ERRFI1: variants seen among roughly 807,000 people sequenced by gnomAD.
The protein encoded by ERRFI1 is ERBB receptor feedback inhibitor 1.
In ERRFI1, 12 loss-of-function variants were observed where a neutral mutation model predicts 14.6. The ratio of observed to expected loss-of-function variants is 0.82; its 90% CI spans 0.53 to 1.33. The LOEUF is 1.33. Among genes scored for constraint, ERRFI1 ranks in the 40% most tolerant of loss-of-function variants. The pLI, the probability that ERRFI1 is intolerant of heterozygous loss-of-function variation, is 0.00. For missense variants in ERRFI1, 482 were observed against 572.1 expected (o/e 0.84, Z 1.61); for synonymous variants, 202 against 209.9 (o/e 0.96, Z 0.32).
chr1:8,018,044 C>A (rs1641207479), intron 1 of ERRFI1, among the ~76,000 whole-genome samples: 1 of 152,140 alleles, frequency 6.6e-6, no homozygotes, highest in African/African-American at 2.4e-5. Context: ...AGCCAGCTCA[C>A]TTCTGACCAC....
chr1:8,024,176 C>T (rs893414272), intron 1 of ERRFI1, among the ~76,000 whole-genome samples: 2 of 152,108 alleles, frequency 1.3e-5, no homozygotes, highest in Admixed American at 1.3e-4. Flanking sequence ...GAAAAGCCAC[C>T]ATTAGTTTCA....
Position 8,015,683 on chromosome 1 carries a change from C to G in ERRFI1, c.-64G>C. On this transcript the variant is annotated 5_prime_UTR_variant, in exon 2 of 4. Coordinates refer to ENST00000377482, the MANE Select transcript of ERRFI1 (RefSeq NM_018948.4). ...CAGGCACTTTAAAATCAACCAGTAG[C>G]TTTCATTCCCTGGGAGGTAGAAGAG... The G allele has an allele frequency of 6.3e-7, 1 of 1,599,596 alleles. No homozygotes were observed. Among genetic ancestry groups the G allele is most frequent in the Admixed American group, 1.7e-5 (1 of 59,428 alleles).
At chr1:8,016,246 C>T (rs1641171846) in intron 1 of ERRFI1, among the ~76,000 whole-genome samples, 1 of 152,148 alleles carries the variant, frequency 6.6e-6, no homozygotes, top group Non-Finnish European at 1.5e-5. Context: ...TTTTGTATTT[C>T]AGGGTTGGCC....
chr1:8,014,511 T>A, intron 3 of ERRFI1, 115 bp from the exon 4 acceptor site: 1 of 1,002,166 alleles, frequency 1.0e-6, no homozygotes, highest in Non-Finnish European at 1.4e-6. Context: ...GTGAAACACT[T>A]GACTGCTGTC....
At chr1:8,017,642 G>C (rs1641195603) in intron 1 of ERRFI1, among the ~76,000 whole-genome samples, 1 of 152,152 alleles carries the variant, frequency 6.6e-6, no homozygotes, top group African/African-American at 2.4e-5. Flanking sequence ...AGTATCTGTG[G>C]TAATATAAAA....
In ERRFI1 at chr1:8,013,213, A is replaced by C. The variant is rs1409830405; in HGVS notation, c.1386T>G (p.Pro462=). ...KRKHLSYVVS[P] The stretch of plus-strand genomic sequence containing the variant: ...TGCTGAACCATGACCCCAAGGTCTA[A>C]GGAGAAACCACATAGGATAAATGTT... Residue 462 remains proline (P), a synonymous_variant, in exon 4 of 4, where the codon CCT becomes CCG. Coordinates refer to ENST00000377482, the MANE Select transcript of ERRFI1 (RefSeq NM_018948.4). This position sits in a 1 kb window ranked among gnomAD's most constrained non-coding sequence, Gnocchi z 4.3. 6.2e-7 allele frequency: 1 copy of C among 1,605,032 alleles called. No homozygotes were observed. The highest frequency in any genetic ancestry group is 2.2e-5 in the East Asian group (1 of 44,796).
chr1:8,012,713 T>C lies in ERRFI1; in HGVS notation c.*497A>G, dbSNP rs191671668. On this transcript the variant is annotated 3_prime_UTR_variant, in exon 4 of 4. Transcript: ENST00000377482. ...TAAATGGAACAAAATAGAAAAGGCCTAAAAGCCAGAAATCTTCAAACTTAC... is the reference window on the plus strand; with the variant it reads ...TAAATGGAACAAAATAGAAAAGGCCCAAAAGCCAGAAATCTTCAAACTTAC... 14 of 231,044 alleles carry C rather than the reference T, an allele frequency of 6.1e-5. No individual in the cohort carries two copies. The highest frequency in any genetic ancestry group is 5.0e-4 in the Admixed American group (9 of 17,856). 14.3% of individuals were successfully genotyped at this position (231,044 alleles called of 1,614,324 possible).
At position 8,013,049 on chromosome 1, in the gene ERRFI1, A is replaced by G. The variant is rs375738570; in HGVS notation, c.*161T>C. ...ACTAACAAAGTCAGGGTTTCTCAGC[A>G]TAACAGCATCTCACAACTGCTCTAA... On this transcript the variant is annotated 3_prime_UTR_variant, in exon 4 of 4. Transcript: ENST00000377482. The surrounding 1 kb of genome is among the most constrained non-coding windows in gnomAD (Gnocchi z 4.3). 3 of 637,872 alleles carry G rather than the reference A, an allele frequency of 4.7e-6. No homozygotes were observed. The highest frequency in any genetic ancestry group is 7.9e-6 in the Non-Finnish European group (3 of 378,258). 39.5% of individuals were successfully genotyped at this position (637,872 alleles called of 1,614,324 possible).
chr1:8,017,694 G>C (rs762222122), intron 1 of ERRFI1, among the ~76,000 whole-genome samples: 10 of 152,182 alleles, frequency 6.6e-5, no homozygotes, highest in Non-Finnish European at 1.2e-4. Flanking sequence ...TAAGTAGTTT[G>C]AAAGCACACG....
chr1:8,022,408 C>G (rs1242521122), intron 1 of ERRFI1, among the ~76,000 whole-genome samples: 1 of 152,190 alleles, frequency 6.6e-6, no homozygotes, highest in African/African-American at 2.4e-5. Flanking sequence ...ATTTGTAAAG[C>G]ACTCAACAAG....
rs776817307 is a variant in ERRFI1, at chr1:8,013,619, G to A, written c.980C>T (p.Pro327Leu). ...PKVPPREPLS[P>L]SNSRTPSPKS... ...GGGACTCGGTGTGCGCGAGTTACTCGGTGACAAAGGTTCTCTTGGCGGTAC... is the reference window on the plus strand; with the variant it reads ...GGGACTCGGTGTGCGCGAGTTACTCAGTGACAAAGGTTCTCTTGGCGGTAC... The change falls in exon 4 of 4, where the codon CCG becomes CTG. Residue 327 changes from proline (P) to leucine (L), a missense_variant. Physicochemically the swap from Pro to Leu is moderately conservative, Grantham distance 98. Coordinates refer to ENST00000377482, the MANE Select transcript of ERRFI1 (RefSeq NM_018948.4). The surrounding 1 kb of genome is among the most constrained non-coding windows in gnomAD (Gnocchi z 4.3). The A allele has an allele frequency of 5.0e-6, 8 of 1,614,092 alleles. 1 individual carries two copies. The highest frequency in any genetic ancestry group is 3.3e-5 in the South Asian group (3 of 91,070).
At chr1:8,025,466 A>T (rs1641331544) in intron 1 of ERRFI1, among the ~76,000 whole-genome samples, 1 of 152,198 alleles carries the variant, frequency 6.6e-6, no homozygotes, top group Non-Finnish European at 1.5e-5. Context: ...AGTTCAGAAC[A>T]GCTTAGACGA....
chr1:8,019,689 C>T (rs1380189285), intron 1 of ERRFI1, among the ~76,000 whole-genome samples: 2 of 152,130 alleles, frequency 1.3e-5, no homozygotes, highest in Admixed American at 6.5e-5. Flanking sequence ...AAAGTTAATG[C>T]GTGCTGGAGT....
rs1249146712 is a variant in ERRFI1, at chr1:8,013,509, G to C, written c.1090C>G (p.Leu364Val). Residue 364 changes from leucine (L) to valine (V), a missense_variant, in exon 4 of 4, where the codon CTG becomes GTG. Coordinates refer to ENST00000377482, the MANE Select transcript of ERRFI1 (RefSeq NM_018948.4). The surrounding 1 kb of genome is among the most constrained non-coding windows in gnomAD (Gnocchi z 4.3). ...PDPKYVSSKA[L>V]QRQNSEGSAS... is the part of the protein sequence containing the mutation. ...GATCCTTCGCTGTTCTGTCTTTGCAGTGCTTTGCTGCTGACATACTTGGGA... is the reference window on the plus strand; with the variant it reads ...GATCCTTCGCTGTTCTGTCTTTGCACTGCTTTGCTGCTGACATACTTGGGA... The C allele has an allele frequency of 6.2e-7, 1 of 1,614,172 alleles. No homozygotes were observed.
intron 1 of ERRFI1, among the ~76,000 whole-genome samples, chr1:8,020,970 CAT>C (rs1557467248): frequency 6.6e-6 from 1 of 152,208 alleles, no homozygotes; most frequent in Non-Finnish European, 1.5e-5. Flanking sequence ...AAATTAAAAA[CAT>C]AGATTACTTT....
intron 3 of ERRFI1, chr1:8,014,688 G>A (rs931381648): frequency 1.8e-5 from 7 of 382,542 alleles, no homozygotes; most frequent in African/African-American, 4.1e-5. Context: ...TGTAAAATTC[G>A]CGGAAGATGA....
intron 1 of ERRFI1, among the ~76,000 whole-genome samples, 168 bp from the exon 2 acceptor site, chr1:8,015,860 A>T (rs1641166583): frequency 6.6e-6 from 1 of 152,236 alleles, no homozygotes; most frequent in Non-Finnish European, 1.5e-5. Context: ...ACTTATATGT[A>T]AACACTAAAA....
chr1:8,017,788 G>A (rs1641200063), intron 1 of ERRFI1, among the ~76,000 whole-genome samples: 2 of 152,174 alleles, frequency 1.3e-5, no homozygotes, highest in South Asian at 2.1e-4. Flanking sequence ...AAGCCAACAA[G>A]TACTACTAGT....
At position 8,022,737 on chromosome 1, in the gene ERRFI1, G is replaced by C. The variant is rs1438294626; in HGVS notation, c.-74+3421C>G. Among the ~76,000 whole-genome samples, 15 of 152,228 alleles carry C rather than the reference G, an allele frequency of 9.9e-5. 1 individual carries two copies. Among genetic ancestry groups the C allele is most frequent in the Non-Finnish European group, 1.6e-4 (11 of 68,036 alleles). On this transcript the variant is annotated intron_variant, in intron 1 of 3. Transcript: ENST00000377482. ...CTCAAGACCTAAGTGCTAGTCAATA[G>C]CAGAGGCAGGAACAGAAACTCAACT...
Sources: gnomAD v4.1 joint callset for allele counts (sites outside exome capture counted in the v4.1 genomes callset) on GRCh38, gnomAD v4.1.1 for gene constraint, Gnocchi (gnomAD v3.1) non-coding constraint, MANE v1.5 for transcripts, NCBI Gene and HGNC (gene_info 2026-07-23, HGNC 2026-07-21) for gene names.